Variants in NR2E1 observed in about 807,000 individuals in gnomAD.
The protein encoded by NR2E1 is nuclear receptor subfamily 2 group E member 1.
A neutral mutation model predicts 43.6 loss-of-function variants in NR2E1; 5 were observed. The ratio of observed to expected loss-of-function variants is 0.11; its 90% CI spans 0.06 to 0.24. The LOEUF is 0.24. NR2E1 is among the 10% of genes least tolerant of loss of function. The pLI, the probability that NR2E1 is intolerant of heterozygous loss-of-function variation, is 1.00. For missense variants in NR2E1, 287 were observed against 496.7 expected (o/e 0.58, Z 4.01); for synonymous variants, 191 against 195.5 (o/e 0.98, Z 0.19).
chr6:108,173,785 ACT>A (rs1352172387), intron 2 of NR2E1, among the ~76,000 whole-genome samples: 2 of 152,064 alleles, frequency 1.3e-5, no homozygotes, highest in Non-Finnish European at 2.9e-5. Context: ...CATGCACATG[ACT>A]CTTTATGTAT....
intron 8 of NR2E1, among the ~76,000 whole-genome samples, chr6:108,182,885 G>C (rs909928976): frequency 6.6e-6 from 1 of 151,774 alleles, no homozygotes; most frequent in African/African-American, 2.4e-5. Context: ...ACTTTTTATA[G>C]AGACAAGGTC....
At chr6:108,176,783 GAGAGGGACGCACCC>G (rs1201516536) in intron 4 of NR2E1, 45 bp downstream of exon 4, 1 of 1,505,464 alleles carries the variant, frequency 6.6e-7, no homozygotes, top group Non-Finnish European at 8.9e-7. Flanking sequence ...CCAGCGAATG[GAGAGGGACGCACCC>G]AGTTCTTCTG....
intron 5 of NR2E1, chr6:108,179,079 C>A (rs955965523): frequency 6.6e-6 from 1 of 152,210 alleles, no homozygotes; most frequent in African/African-American, 2.4e-5. Flanking sequence ...GGATTTATTT[C>A]TTCAATTCAT....
chr6:108,176,823 G>T, intron 4 of NR2E1, 85 bp downstream of exon 4: 3 of 1,323,598 alleles, frequency 2.3e-6, no homozygotes, highest in Non-Finnish European at 3.1e-6. Context: ...TGTGATTGGG[G>T]TCAGGCAAAC....
intron 8 of NR2E1, among the ~76,000 whole-genome samples, chr6:108,184,325 G>A (rs1352779806): frequency 6.6e-6 from 1 of 151,584 alleles, no homozygotes; most frequent in Non-Finnish European, 1.5e-5. Flanking sequence ...GTGGTATCCA[G>A]TTATTGATCC....
rs531709112 is a variant in NR2E1, at chr6:108,172,950, G to A, written c.171+1347G>A. 1.8e-4 allele frequency among the ~76,000 whole-genome samples: 28 copies of A among 152,264 alleles called. No homozygotes were observed. In the East Asian group the frequency reaches 1.9e-3, roughly 10 times the overall value. On this transcript the variant is annotated intron_variant, in intron 2 of 8. Transcript: ENST00000368986. ...CTCCACAGGATTGTGCGATTACTGCGGGTTGTCAGATTTGAACCAACTTCT... is the reference window on the plus strand; with the variant it reads ...CTCCACAGGATTGTGCGATTACTGCAGGTTGTCAGATTTGAACCAACTTCT...
rs555883780 is a variant in NR2E1, at chr6:108,166,515, AAGC to A, written c.-246_-244del. ...GTCTGTCCATGTGTGTGTCCATATC[AAGC>A]AGCATTCCCAGCAGCTGCGGTTTTG... On this transcript the variant is annotated 5_prime_UTR_variant, in exon 1 of 9. Coordinates refer to ENST00000368986, the MANE Select transcript of NR2E1 (RefSeq NM_003269.5). This position sits in a 1 kb window ranked among gnomAD's most constrained non-coding sequence, Gnocchi z 7.2. 1.4e-4 allele frequency: 67 copies of A among 489,902 alleles called. No homozygotes were observed. In the East Asian group the frequency reaches 2.3e-3, roughly 17 times the overall value. The allele number at this position is 489,902 out of a possible 1,614,324, so 30.3% of individuals were successfully genotyped here.
chr6:108,176,995 A>G (rs1562404800), intron 4 of NR2E1, among the ~76,000 whole-genome samples: 2 of 152,088 alleles, frequency 1.3e-5, no homozygotes, highest in Non-Finnish European at 2.9e-5. Flanking sequence ...CAGAAATTTC[A>G]TTTCAGCAAG....
In NR2E1 at chr6:108,169,872, G is replaced by C. The variant is rs962691883; in HGVS notation, c.26-1586G>C. Among the ~76,000 whole-genome samples, 1 of 152,026 alleles carries C rather than the reference G, an allele frequency of 6.6e-6. No individual in the cohort carries two copies. The highest frequency in any genetic ancestry group is 1.5e-5 in the Non-Finnish European group (1 of 67,986). ...GAATTCCCATGCTACTCTTTTTGAC[G>C]GGTCACTGGTGGCTCTATAGGCAGG... On this transcript the variant is annotated intron_variant, in intron 1 of 8. Transcript: ENST00000368986. This position sits in a 1 kb window ranked among gnomAD's most constrained non-coding sequence, Gnocchi z 6.1.
In NR2E1 at chr6:108,187,460, C is replaced by T; in HGVS notation, c.1155C>T (p.Ile385=). 1 of 1,614,122 alleles carries T rather than the reference C, an allele frequency of 6.2e-7. No homozygotes were observed. The highest frequency in any genetic ancestry group is 8.5e-7 in the Non-Finnish European group (1 of 1,180,000). Residue 385 remains isoleucine, a synonymous_variant, in exon 9 of 9, where the codon ATC becomes ATT. Transcript: ENST00000368986. ...LLSDMYKSSD[I] The stretch of plus-strand genomic sequence containing the variant: ...CAGATATGTACAAATCCAGTGATAT[C>T]TAAGCTCACAAGATACCCACTTTTC...
In NR2E1 at chr6:108,180,984, C is replaced by T. The variant is rs1562406045; in HGVS notation, c.889+28C>T. 1 of 1,613,760 alleles carries T rather than the reference C, an allele frequency of 6.2e-7. No homozygotes were observed. The highest frequency in any genetic ancestry group is 2.2e-5 in the East Asian group (1 of 44,876). The stretch of plus-strand genomic sequence containing the variant: ...AAGCAGACACAGACCCCTGTTTCTT[C>T]TCCTTCCCCAGTTTTGCCACCTCAC... On this transcript the variant is annotated intron_variant, in intron 7 of 8. Coordinates refer to ENST00000368986, the MANE Select transcript of NR2E1 (RefSeq NM_003269.5). This position sits in a 1 kb window ranked among gnomAD's most constrained non-coding sequence, Gnocchi z 5.4.
intron 8 of NR2E1, among the ~76,000 whole-genome samples, chr6:108,183,515 T>G (rs1039398059): frequency 6.6e-6 from 1 of 152,152 alleles, no homozygotes; most frequent in Non-Finnish European, 1.5e-5. Context: ...CTGTGAAAGC[T>G]CAGCTCCATA....
Position 108,166,859 on chromosome 6 carries a change from G to A in NR2E1, c.25+69G>A. 6.1e-6 allele frequency: 9 copies of A among 1,478,804 alleles called. No homozygotes were observed. The highest frequency in any genetic ancestry group is 8.3e-6 in the Non-Finnish European group (9 of 1,084,902). 91.6% of individuals were successfully genotyped at this position (1,478,804 alleles called of 1,614,324 possible). On this transcript the variant is annotated intron_variant, in intron 1 of 8. Coordinates refer to ENST00000368986, the MANE Select transcript of NR2E1 (RefSeq NM_003269.5). This position sits in a 1 kb window ranked among gnomAD's most constrained non-coding sequence, Gnocchi z 7.2. ...GGGGCGAGCGAGCGGGGAGGCTGGG[G>A]GAGGTCCTGCCTGGAGCGCTGCGAA...
chr6:108,178,063 C>T (rs774428407), intron 4 of NR2E1, 32 bp from the exon 5 acceptor site: 5 of 1,613,540 alleles, frequency 3.1e-6, no homozygotes, highest in Non-Finnish European at 4.2e-6. Context: ...GGTTTCCTCA[C>T]TTCCAGGTGT....
chr6:108,170,748 C>A (rs1193192614), intron 1 of NR2E1, among the ~76,000 whole-genome samples: 1 of 152,112 alleles, frequency 6.6e-6, no homozygotes, highest in Non-Finnish European at 1.5e-5. Context: ...GACAGGGAAC[C>A]GACAACTTGC....
intron 7 of NR2E1, 53 bp from the exon 8 acceptor site, chr6:108,181,493 C>T: frequency 1.4e-6 from 2 of 1,474,404 alleles, no homozygotes; most frequent in Non-Finnish European, 1.9e-6. Context: ...GCGCTCGGCT[C>T]CCAGATGCAA....
intron 5 of NR2E1, chr6:108,179,305 TA>T (rs1773948031): frequency 6.6e-6 from 1 of 152,166 alleles, no homozygotes; most frequent in Non-Finnish European, 1.5e-5. Flanking sequence ...AATAAAACAT[TA>T]AAAAAATTAA....
chr6:108,178,346 C>T, intron 5 of NR2E1, 105 bp downstream of exon 5: 1 of 1,217,936 alleles, frequency 8.2e-7, no homozygotes, highest in East Asian at 2.3e-5. Context: ...CCAAGGCAGG[C>T]ATCCATTCTT....
chr6:108,186,181 C>T (rs545668133), intron 8 of NR2E1, among the ~76,000 whole-genome samples: 2 of 152,158 alleles, frequency 1.3e-5, no homozygotes, highest in African/African-American at 2.4e-5. Flanking sequence ...ACCATTTCCA[C>T]ACCACACTAC....
Sources: allele counts gnomAD v4.1 joint callset (sites outside exome capture counted in the v4.1 genomes callset), GRCh38; gene constraint gnomAD v4.1.1; non-coding constraint Gnocchi (gnomAD v3.1); transcripts MANE v1.5; gene names NCBI Gene and HGNC (gene_info 2026-07-23, HGNC 2026-07-21).